ARL14EPL: variants seen among roughly 807,000 people sequenced by gnomAD.
ARL14EPL encodes the protein ARF like GTPase 14 effector protein like, also known as ARL14 effector protein-like.
Under a neutral mutation model 15.9 loss-of-function variants are expected in ARL14EPL, and 17 were observed. The ratio of observed to expected loss-of-function variants is 1.07; its 90% CI spans 0.73 to 1.60. ARL14EPL has a LOEUF of 1.60. Among genes scored for constraint, ARL14EPL ranks in the 40% most tolerant of loss-of-function variants. The probability of loss-of-function intolerance (pLI) is 0.00; values close to 1 mark genes in which losing one functional copy is unlikely to be tolerated. For synonymous variants in ARL14EPL, 78 were observed against 63.8 expected (o/e 1.22, Z -1.06); for missense variants, 214 against 185.9 (o/e 1.15, Z -0.88).
intron 2 of ARL14EPL, chr5:116,051,845 T>C (rs1749387878): frequency 1.8e-6 from 2 of 1,105,650 alleles, no homozygotes; most frequent in Non-Finnish European, 2.6e-6. Flanking sequence ...ACGTTTTTAT[T>C]TTTATTTTTA....
rs1163561355 is a variant in ARL14EPL at position 116,035,185 on chromosome 5, CCA to C, written c.-10+2681_-10+2682del. 1.6e-3 allele frequency among the ~76,000 whole-genome samples: 242 copies of C among 152,292 alleles called. 1 individual carries two copies. The highest frequency in any genetic ancestry group is 4.4e-3 in the African/African-American group (181 of 41,560). The stretch of plus-strand genomic sequence containing the variant: ...CCTTAGAAGTTTTCTGGTTCTCTGA[CCA>C]TGTCTCAAGCTGGTCATTTTCATCT... On this transcript the variant is annotated intron_variant, in intron 1 of 3. Coordinates refer to ENST00000686077, the MANE Select transcript of ARL14EPL (RefSeq NM_001195581.2).
intron 2 of ARL14EPL, chr5:116,052,286 G>C: frequency 2.1e-6 from 3 of 1,440,124 alleles, no homozygotes; most frequent in Non-Finnish European, 2.9e-6. Flanking sequence ...GGGCGGCATT[G>C]CGAAGCTCGG....
rs1749379510 is a variant in ARL14EPL, at chr5:116,051,529, GAGA to G, written c.69_71del (p.Lys23del). The G allele has an allele frequency of 6.5e-7, 1 of 1,535,412 alleles. No individual in the cohort carries two copies. Among genetic ancestry groups the G allele is most frequent in the Non-Finnish European group, 8.7e-7 (1 of 1,146,266 alleles). On this transcript the variant is annotated inframe_deletion, in exon 2 of 4. Transcript: ENST00000686077. ...GAGACACACAGATCATAGTTTTCCT[GAGA>G]AGAACTGTCAAATTGGACAGAAACA...
intron 1 of ARL14EPL, among the ~76,000 whole-genome samples, chr5:116,040,766 C>G (rs868188769): frequency 4.7e-5 from 7 of 148,080 alleles, no homozygotes; most frequent in African/African-American, 1.7e-4. Flanking sequence ...GAGGTCATAT[C>G]GAGACCATCC....
At chr5:116,034,530 C>G (rs1749013676) in intron 1 of ARL14EPL, among the ~76,000 whole-genome samples, 1 of 152,198 alleles carries the variant, frequency 6.6e-6, no homozygotes, top group Admixed American at 6.5e-5. Flanking sequence ...CTTCCCCCAA[C>G]ACATACCCCC....
At chr5:116,037,724 T>C (rs1030464) in intron 1 of ARL14EPL, among the ~76,000 whole-genome samples, 56,247 of 152,112 alleles carry the variant, frequency 0.37, 10,505 homozygotes, top group East Asian at 0.42. Flanking sequence ...AATTGTGAAA[T>C]ACATGCTTAT....
intron 1 of ARL14EPL, among the ~76,000 whole-genome samples, chr5:116,047,119 C>T (rs1749283417): frequency 6.6e-6 from 1 of 152,180 alleles, no homozygotes; most frequent in African/African-American, 2.4e-5. Context: ...TTGTTTAAGC[C>T]ACTCAGTCTG....
At chr5:116,041,947 G>C (rs1348077356) in intron 1 of ARL14EPL, among the ~76,000 whole-genome samples, 1 of 152,086 alleles carries the variant, frequency 6.6e-6, no homozygotes, top group African/African-American at 2.4e-5. Context: ...TCCTGCCTTG[G>C]CCTCCTGAGT....
rs1486876864 is a variant in ARL14EPL, at chr5:116,054,094, G to T, written c.177G>T (p.Arg59Ser). 1.3e-6 allele frequency: 2 copies of T among 1,535,558 alleles called. No individual in the cohort carries two copies. The highest frequency in any genetic ancestry group is 2.4e-5 in the East Asian group (1 of 40,894). ...TAGCAGACTTTAATCCTGAAACAAG[G>T]CAGCAGAAAAAGAAAGCCCGGATGT... The part of the protein sequence containing the change: ...PQVADFNPET[R>S]QQKKKARMSK... The change falls in exon 3 of 4, where the codon AGG (arginine) becomes AGT (serine). Residue 59 changes from arginine (R) to serine (S), a missense_variant. Transcript: ENST00000686077.
intron 1 of ARL14EPL, among the ~76,000 whole-genome samples, chr5:116,041,499 A>C (rs778427195): frequency 6.6e-6 from 1 of 152,152 alleles, no homozygotes; most frequent in Non-Finnish European, 1.5e-5. Flanking sequence ...CTGAAATTGC[A>C]TAACTCTGCT....
At position 116,058,148 on chromosome 5, in the gene ARL14EPL, G is replaced by A. The variant is rs72802800; in HGVS notation, c.237-577G>A. 7.8e-3 allele frequency among the ~76,000 whole-genome samples: 1,182 copies of A among 152,278 alleles called. 14 individuals carry two copies. The highest frequency in any genetic ancestry group is 0.011 in the South Asian group (53 of 4,828). ...CACCTCCTTTCTCCCTCCTCACTGG[G>A]TAAAAAGCAGAATCAGAAAGGAACA... On this transcript the variant is annotated intron_variant, in intron 3 of 3. Coordinates refer to ENST00000686077, the MANE Select transcript of ARL14EPL (RefSeq NM_001195581.2).
chr5:116,043,504 C>T (rs1219882036), intron 1 of ARL14EPL, among the ~76,000 whole-genome samples: 1 of 152,018 alleles, frequency 6.6e-6, no homozygotes, highest in East Asian at 1.9e-4. Context: ...TTGAAAAATA[C>T]TCTTCAGTCT....
Position 116,058,893 on chromosome 5 carries a change from C to T in ARL14EPL, c.405C>T (p.Ile135=), listed in dbSNP as rs1345250271. Residue 135 remains isoleucine, a synonymous_variant, in exon 4 of 4, where the codon ATC becomes ATT. Transcript: ENST00000686077. ...RCNRRWVYDA[I]VTESGEVIST... ...ACCGACGGTGGGTTTACGATGCCAT[C>T]GTCACTGAGTCAGGAGAGGTCATCA... The T allele has an allele frequency of 5.2e-6, 8 of 1,535,962 alleles. No homozygotes were observed. Among genetic ancestry groups the T allele is most frequent in the South Asian group, 3.6e-5 (3 of 84,064 alleles).
rs1411364514 is a variant in ARL14EPL, at chr5:116,058,991, T to G, written c.*44T>G. On this transcript the variant is annotated 3_prime_UTR_variant, in exon 4 of 4. Transcript: ENST00000686077. ...TGATTTGTTTCTTCTTCTTACACAT[T>G]TAAGTTGACCTCTTTCTTTTGGGTG... 1 of 1,506,160 alleles carries G rather than the reference T, an allele frequency of 6.6e-7. No homozygotes were observed. The highest frequency in any genetic ancestry group is 8.9e-7 in the Non-Finnish European group (1 of 1,120,774). 93.3% of individuals were successfully genotyped at this position (1,506,160 alleles called of 1,614,324 possible).
At chr5:116,039,524 T>A (rs1346192517) in intron 1 of ARL14EPL, among the ~76,000 whole-genome samples, 1 of 152,046 alleles carries the variant, frequency 6.6e-6, no homozygotes. Flanking sequence ...AAAGGAGAGA[T>A]GATACAAAGC....
chr5:116,038,515 G>A (rs902362453), intron 1 of ARL14EPL, among the ~76,000 whole-genome samples: 1 of 152,178 alleles, frequency 6.6e-6, no homozygotes, highest in Non-Finnish European at 1.5e-5. Context: ...GTAGAATTAG[G>A]TCATGTCATG....
intron 1 of ARL14EPL, among the ~76,000 whole-genome samples, chr5:116,039,089 T>A (rs1749102005): frequency 6.6e-6 from 1 of 152,152 alleles, no homozygotes; most frequent in Non-Finnish European, 1.5e-5. Flanking sequence ...TTACTGGTCT[T>A]GATCCACAAG....
intron 1 of ARL14EPL, among the ~76,000 whole-genome samples, chr5:116,042,440 T>G (rs961519644): frequency 6.6e-6 from 1 of 152,210 alleles, no homozygotes; most frequent in African/African-American, 2.4e-5. Context: ...GTATTCTATA[T>G]CAGTGCCATC....
chr5:116,048,518 AG>A (rs1749314039), intron 1 of ARL14EPL, among the ~76,000 whole-genome samples: 1 of 152,214 alleles, frequency 6.6e-6, no homozygotes, highest in South Asian at 2.1e-4. Flanking sequence ...AAGCTGAGAA[AG>A]GAAACCAATT....
Sources: allele counts gnomAD v4.1 joint callset (sites outside exome capture counted in the v4.1 genomes callset), GRCh38; gene constraint gnomAD v4.1.1; transcripts MANE v1.5; gene names NCBI Gene and HGNC (gene_info 2026-07-23, HGNC 2026-07-21).